The following RAB11FIP4 variants were observed in gnomAD, a reference collection of about 807,000 sequenced individuals.
RAB11FIP4 encodes the protein RAB11 family interacting protein 4, also known as rab11 family-interacting protein 4.
A neutral mutation model predicts 74.3 loss-of-function variants in RAB11FIP4; 23 were observed. That is an observed-to-expected ratio of 0.31 (90% CI 0.22 to 0.44). The LOEUF (loss-of-function observed/expected upper bound fraction) is 0.44. RAB11FIP4 is among the 20% of genes least tolerant of loss of function. RAB11FIP4 has a pLI of 1.00. For synonymous variants in RAB11FIP4, 360 were observed against 359.9 expected, an observed-to-expected ratio of 1.00 and a Z score of 0.00; for missense variants, 630 against 863.9, an observed-to-expected ratio of 0.73 and a Z score of 3.39.
At chr17:31,394,973 C>T (rs1158615979) in intron 1 of RAB11FIP4, among the ~76,000 whole-genome samples, 1 of 149,668 alleles carries the variant, frequency 6.7e-6, no homozygotes, top group East Asian at 2.0e-4. Flanking sequence ...ATGCAGTGTA[C>T]TCTGACTGTT....
At chr17:31,462,689 T>G (rs989033508) in intron 3 of RAB11FIP4, among the ~76,000 whole-genome samples, 1 of 152,166 alleles carries the variant, frequency 6.6e-6, no homozygotes, top group African/African-American at 2.4e-5. Flanking sequence ...CAGGCTGGAG[T>G]GCAGTGGTGT....
At chr17:31,502,153 G>A (rs1555548366) in intron 3 of RAB11FIP4, among the ~76,000 whole-genome samples, 2 of 151,580 alleles carry the variant, frequency 1.3e-5, no homozygotes, top group Non-Finnish European at 1.5e-5. Context: ...GAACCCAGGA[G>A]GGGGGTGTTG....
chr17:31,486,444 T>A (rs62063861), intron 3 of RAB11FIP4, among the ~76,000 whole-genome samples: 3 of 151,888 alleles, frequency 2.0e-5, no homozygotes, highest in Non-Finnish European at 4.4e-5. Flanking sequence ...GGGGTCTTGC[T>A]GTGTTGTCCA....
chr17:31,437,928 G>A (rs934368907), intron 3 of RAB11FIP4, among the ~76,000 whole-genome samples: 1 of 152,196 alleles, frequency 6.6e-6, no homozygotes, highest in African/African-American at 2.4e-5. Context: ...ACTGGATGTG[G>A]CTCCACCTGC....
rs1306533494 is a variant in RAB11FIP4 at position 31,531,734 on chromosome 17, G to A, written c.*2G>A. ...TCCATCCTCGAGATCAAACACTAAG[G>A]CACGGGGCTGGCTGCAGAGCAGCCT... is the stretch of plus-strand genomic sequence containing the variant. On this transcript the variant is annotated 3_prime_UTR_variant, in exon 15 of 15. Coordinates refer to ENST00000621161, the MANE Select transcript of RAB11FIP4 (RefSeq NM_032932.6). 1.9e-6 allele frequency: 3 copies of A among 1,598,856 alleles called. No individual in the cohort carries two copies. Among genetic ancestry groups the A allele is most frequent in the Non-Finnish European group, 2.6e-6 (3 of 1,166,198 alleles).
chr17:31,495,091 C>G (rs1018578929), intron 3 of RAB11FIP4, among the ~76,000 whole-genome samples: 7 of 152,220 alleles, frequency 4.6e-5, no homozygotes, highest in African/African-American at 1.7e-4. Context: ...TGGCTTGGAG[C>G]AGTGCTGCCC....
At chr17:31,529,041 A>G (rs948707132) in intron 13 of RAB11FIP4, among the ~76,000 whole-genome samples, 6 of 151,450 alleles carry the variant, frequency 4.0e-5, no homozygotes, top group Non-Finnish European at 8.8e-5. Context: ...CAGCTGCAGT[A>G]TAGTGCCTGG....
rs1302658380 is a variant in RAB11FIP4, at chr17:31,391,849, C to G, written c.-4C>G. On this transcript the variant is annotated 5_prime_UTR_variant, in exon 1 of 15. Coordinates refer to ENST00000621161, the MANE Select transcript of RAB11FIP4 (RefSeq NM_032932.6). ...GGTCCGGGCTGAGCTGCGGGCCGGC[C>G]CGGATGGCGGGCGGCGCGGGCTGGT... 4 of 1,098,388 alleles carry G rather than the reference C, an allele frequency of 3.6e-6. No homozygotes were observed. The South Asian group carries it at 1.7e-4, about 47-fold the overall frequency. The allele number at this position is 1,098,388 out of a possible 1,614,324, so 68.0% of individuals were successfully genotyped here. A position where few individuals can be genotyped will look rare whatever the true frequency, so the allele number is the denominator to read the frequency against.
chr17:31,434,137 G>C lies in RAB11FIP4; in HGVS notation c.336+15G>C, dbSNP rs1567654319. ...GCGTGGAGCAGGTAAGGCTTGGGGGGCCTCAAGGACCTCCATGGCTCTGCC... is the reference window on the plus strand; with the variant it reads ...GCGTGGAGCAGGTAAGGCTTGGGGGCCCTCAAGGACCTCCATGGCTCTGCC... On this transcript the variant is annotated intron_variant, in intron 3 of 14. Coordinates refer to ENST00000621161, the MANE Select transcript of RAB11FIP4 (RefSeq NM_032932.6). 1 of 1,558,484 alleles carries C rather than the reference G, an allele frequency of 6.4e-7. No individual in the cohort carries two copies. The highest frequency in any genetic ancestry group is 2.3e-5 in the East Asian group (1 of 43,744).
rs555971682 is a variant in RAB11FIP4, at chr17:31,503,541, AG to A, written c.337-14108del. Among the ~76,000 whole-genome samples, 49 of 149,882 alleles carry A rather than the reference AG, an allele frequency of 3.3e-4. No individual in the cohort carries two copies. The East Asian group carries it at 7.5e-3, about 23-fold the overall frequency. On this transcript the variant is annotated intron_variant, in intron 3 of 14. Transcript: ENST00000621161. ...GTAGAGGGGAGGCAGTTCTGCTTTC[AG>A]GCAAAGGCCCATGGGTGAGGGACCC... is the stretch of plus-strand genomic sequence containing the variant.
chr17:31,403,325 T>C (rs990716409), intron 1 of RAB11FIP4, among the ~76,000 whole-genome samples: 3 of 151,562 alleles, frequency 2.0e-5, no homozygotes, highest in Non-Finnish European at 4.4e-5. Context: ...TCTTTCTTTC[T>C]TTCTTTTTTT....
intron 3 of RAB11FIP4, among the ~76,000 whole-genome samples, chr17:31,499,335 A>G (rs887677775): frequency 6.6e-5 from 10 of 151,986 alleles, no homozygotes; most frequent in Non-Finnish European, 1.0e-4. Context: ...CCATTCCCCC[A>G]CTTTTTCTTT....
intron 5 of RAB11FIP4, among the ~76,000 whole-genome samples, chr17:31,521,599 A>G (rs1249262653): frequency 6.6e-6 from 1 of 152,006 alleles, no homozygotes; most frequent in African/African-American, 2.4e-5. Flanking sequence ...GCTCTGTGTC[A>G]TCTTGTATCC....
chr17:31,426,114 T>G (rs767231019), intron 1 of RAB11FIP4, among the ~76,000 whole-genome samples: 4 of 152,174 alleles, frequency 2.6e-5, no homozygotes, highest in Non-Finnish European at 5.9e-5. Flanking sequence ...GAGTAAAGCT[T>G]CTTTGATGCT....
chr17:31,488,176 C>G, intron 3 of RAB11FIP4: 4 of 1,075,818 alleles, frequency 3.7e-6, no homozygotes, highest in Non-Finnish European at 4.5e-6. Context: ...GGCTGCCCGC[C>G]GCGTCCCCGC....
intron 3 of RAB11FIP4, among the ~76,000 whole-genome samples, chr17:31,508,412 A>AC (rs1258701483): frequency 2.0e-5 from 3 of 152,330 alleles, no homozygotes. Flanking sequence ...TGAGAAATGC[A>AC]CTCACATGAG....
intron 3 of RAB11FIP4, among the ~76,000 whole-genome samples, chr17:31,491,805 G>T (rs537605744): frequency 9.2e-5 from 14 of 152,336 alleles, no homozygotes; most frequent in African/African-American, 3.4e-4. Context: ...CCTTCTCAGA[G>T]CCTCCGCGTC....
intron 1 of RAB11FIP4, among the ~76,000 whole-genome samples, chr17:31,395,297 A>G (rs761895535): frequency 2.0e-5 from 3 of 152,234 alleles, no homozygotes; most frequent in Non-Finnish European, 4.4e-5. Flanking sequence ...TGAATAACGT[A>G]TGTTGATAAT....
chr17:31,451,288 G>A (rs1050532236), intron 3 of RAB11FIP4, among the ~76,000 whole-genome samples: 6 of 151,798 alleles, frequency 4.0e-5, no homozygotes, highest in South Asian at 4.2e-4. Context: ...GTGAAACCCC[G>A]TCTCTACTAA....
Sources: gnomAD v4.1 joint callset for allele counts (sites outside exome capture counted in the v4.1 genomes callset) on GRCh38, gnomAD v4.1.1 for gene constraint, MANE v1.5 for transcripts, NCBI Gene and HGNC (gene_info 2026-07-23, HGNC 2026-07-21) for gene names.